ST6GALNAC3: variants seen among roughly 807,000 people sequenced by gnomAD.
The protein encoded by ST6GALNAC3 is alpha-N-acetylgalactosaminide alpha-2,6-sialyltransferase 3.
Under a neutral mutation model 32.7 loss-of-function variants are expected in ST6GALNAC3, and 25 were observed. That is an observed-to-expected ratio of 0.76 (90% CI 0.56 to 1.07). ST6GALNAC3 has a LOEUF of 1.07. Among genes scored for constraint, ST6GALNAC3 ranks in the 50% least tolerant of loss-of-function variants. The pLI, the probability that ST6GALNAC3 is intolerant of heterozygous loss-of-function variation, is 0.00. For synonymous variants in ST6GALNAC3, 129 were observed against 133.1 expected, an observed-to-expected ratio of 0.97 and a Z score of 0.21; for missense variants, 355 against 382.4, an observed-to-expected ratio of 0.93 and a Z score of 0.60.
chr1:76,573,658 C>T (rs1405295496), intron 3 of ST6GALNAC3, among the ~76,000 whole-genome samples: 2 of 128,140 alleles, frequency 1.6e-5, no homozygotes, highest in Non-Finnish European at 3.1e-5. Context: ...TTCCCCCTTT[C>T]TTCTCCTTTT....
chr1:76,286,606 T>G (rs948627673), intron 1 of ST6GALNAC3, among the ~76,000 whole-genome samples: 4 of 152,252 alleles, frequency 2.6e-5, no homozygotes, highest in Non-Finnish European at 4.4e-5. Context: ...TGGGCAACCT[T>G]CTTCCCCTTT....
At chr1:76,549,033 A>G (rs1557558426) in intron 3 of ST6GALNAC3, among the ~76,000 whole-genome samples, 3 of 152,218 alleles carry the variant, frequency 2.0e-5, no homozygotes, top group African/African-American at 4.8e-5. Flanking sequence ...TCACACAATC[A>G]CAACATCCTG....
intron 1 of ST6GALNAC3, among the ~76,000 whole-genome samples, chr1:76,180,432 A>G (rs1354471209): frequency 1.3e-5 from 2 of 152,170 alleles, no homozygotes; most frequent in African/African-American, 4.8e-5. Context: ...ACAGGGAAAT[A>G]CTGGGTGGAA....
In ST6GALNAC3 at chr1:76,541,256, A is replaced by G. The variant is rs184532957; in HGVS notation, c.624-86196A>G. Among the ~76,000 whole-genome samples the G allele has an allele frequency of 4.9e-4, 75 of 152,230 alleles. No homozygotes were observed. The Middle Eastern group carries it at 0.014, about 28-fold the overall frequency. On this transcript the variant is annotated intron_variant, in intron 3 of 4. Coordinates refer to ENST00000328299, the MANE Select transcript of ST6GALNAC3 (RefSeq NM_152996.4). ...ATCTGCTTGGTGATGAAAAGTAAGG[A>G]AACAATGGGGTCCCTCCGGGGGAGT...
chr1:76,589,869 C>G (rs895168749), intron 3 of ST6GALNAC3, among the ~76,000 whole-genome samples: 3 of 151,816 alleles, frequency 2.0e-5, no homozygotes, highest in African/African-American at 7.3e-5. Context: ...TTGTCCATAC[C>G]AAACTTGGGA....
chr1:76,586,539 G>T (rs2100565404), intron 3 of ST6GALNAC3, among the ~76,000 whole-genome samples: 1 of 152,290 alleles, frequency 6.6e-6, no homozygotes, highest in Admixed American at 6.5e-5. Flanking sequence ...GGTAATAAAT[G>T]ATAATGTTCA....
intron 3 of ST6GALNAC3, among the ~76,000 whole-genome samples, chr1:76,483,279 A>G (rs1422277812): frequency 3.3e-5 from 5 of 152,198 alleles, no homozygotes; most frequent in African/African-American, 1.2e-4. Flanking sequence ...TTCTAGTTCT[A>G]GATCCCTGAA....
chr1:76,150,796 A>G (rs1399414612), intron 1 of ST6GALNAC3, among the ~76,000 whole-genome samples: 1 of 152,180 alleles, frequency 6.6e-6, no homozygotes, highest in East Asian at 1.9e-4. Context: ...TCCTGCTGTG[A>G]TCTAATGGTG....
At chr1:76,396,850 C>T (rs1652999790) in intron 2 of ST6GALNAC3, among the ~76,000 whole-genome samples, 1 of 152,132 alleles carries the variant, frequency 6.6e-6, no homozygotes, top group African/African-American at 2.4e-5. Context: ...TTGGTTTAAT[C>T]TTGATCTTCT....
intron 1 of ST6GALNAC3, among the ~76,000 whole-genome samples, chr1:76,221,189 C>A (rs758903021): frequency 3.9e-5 from 6 of 152,002 alleles, no homozygotes; most frequent in Non-Finnish European, 7.4e-5. Context: ...CTAGAACCCT[C>A]AATGTAAAAA....
At chr1:76,533,660 T>C (rs1663409778) in intron 3 of ST6GALNAC3, among the ~76,000 whole-genome samples, 1 of 152,100 alleles carries the variant, frequency 6.6e-6, no homozygotes, top group Non-Finnish European at 1.5e-5. Flanking sequence ...CCTGTCCCCT[T>C]ACCCAGACCA....
chr1:76,395,078 A>G (rs1652845982), intron 2 of ST6GALNAC3, among the ~76,000 whole-genome samples: 2 of 152,202 alleles, frequency 1.3e-5, no homozygotes, highest in South Asian at 4.1e-4. Flanking sequence ...TACAATATTA[A>G]GTGCTTAAGA....
At chr1:76,074,916 G>A (rs912740134) in intron 1 of ST6GALNAC3, 32 bp downstream of exon 1, 20 of 1,579,966 alleles carry the variant, frequency 1.3e-5, no homozygotes, top group African/African-American at 8.1e-5. Flanking sequence ...TCGGACGCGT[G>A]GTTGGCCAGC....
chr1:76,565,829 G>C (rs1037564327), intron 3 of ST6GALNAC3, among the ~76,000 whole-genome samples: 3 of 152,160 alleles, frequency 2.0e-5, no homozygotes, highest in Non-Finnish European at 4.4e-5. Flanking sequence ...GATGCCCCTG[G>C]AACAATGTAG....
In ST6GALNAC3 at chr1:76,283,446, T is replaced by C. The variant is rs187150413; in HGVS notation, c.19-30359T>C. ...GCTCACTGAAAGTGTTATGTGTACATGAGCAGGACCCTCAAGAGCCAACCT... is the reference window on the plus strand; with the variant it reads ...GCTCACTGAAAGTGTTATGTGTACACGAGCAGGACCCTCAAGAGCCAACCT... On this transcript the variant is annotated intron_variant, in intron 1 of 4. Transcript: ENST00000328299. Among the ~76,000 whole-genome samples the C allele has an allele frequency of 9.8e-4, 149 of 152,284 alleles. 1 individual carries two copies. The highest frequency in any genetic ancestry group is 3.4e-3 in the African/African-American group (142 of 41,574).
intron 1 of ST6GALNAC3, among the ~76,000 whole-genome samples, chr1:76,263,190 A>G (rs952230268): frequency 6.6e-6 from 1 of 152,174 alleles, no homozygotes; most frequent in Non-Finnish European, 1.5e-5. Context: ...AACTGTGTAA[A>G]CTTGGGTGAA....
Position 76,243,753 on chromosome 1 carries a change from G to T in ST6GALNAC3, c.19-70052G>T, listed in dbSNP as rs186411525. Among the ~76,000 whole-genome samples the T allele has an allele frequency of 3.4e-3, 518 of 152,282 alleles. 3 individuals carry two copies. The highest frequency in any genetic ancestry group is 0.024 in the Admixed American group (367 of 15,304). ...TTTGTGTCAAGTTTGTTGAAGATCA[G>T]ATGGTTGTAGATGTGTGGTGTTATT... On this transcript the variant is annotated intron_variant, in intron 1 of 4. Coordinates refer to ENST00000328299, the MANE Select transcript of ST6GALNAC3 (RefSeq NM_152996.4).
chr1:76,463,703 T>A (rs1164893787), intron 3 of ST6GALNAC3, among the ~76,000 whole-genome samples: 1 of 152,126 alleles, frequency 6.6e-6, no homozygotes, highest in Non-Finnish European at 1.5e-5. Context: ...GGGTTTGGAT[T>A]CATCTTGCTT....
chr1:76,280,605 T>A (rs1241753573), intron 1 of ST6GALNAC3, among the ~76,000 whole-genome samples: 1 of 152,160 alleles, frequency 6.6e-6, no homozygotes, highest in Non-Finnish European at 1.5e-5. Context: ...CAAGGGCTGG[T>A]GCTACTTACT....
Sources: allele counts gnomAD v4.1 joint callset (sites outside exome capture counted in the v4.1 genomes callset), GRCh38; gene constraint gnomAD v4.1.1; transcripts MANE v1.5; gene names NCBI Gene and HGNC (gene_info 2026-07-23, HGNC 2026-07-21).